Variants in KDM4C observed in about 807,000 individuals in gnomAD.
KDM4C encodes lysine-specific demethylase 4C.
A neutral mutation model predicts 129.3 loss-of-function variants in KDM4C; 81 were observed. The ratio of observed to expected loss-of-function variants is 0.63; its 90% CI spans 0.52 to 0.75. KDM4C has a LOEUF of 0.75. KDM4C is among the 30% of genes least tolerant of loss of function. The probability of loss-of-function intolerance (pLI) is 0.00; values close to 1 mark genes in which losing one functional copy is unlikely to be tolerated. For missense variants in KDM4C, 1,457 were observed against 1,304.0 expected (o/e 1.12, Z -1.81); for synonymous variants, 573 against 456.1 (o/e 1.26, Z -3.26).
chr9:7,102,309 CT>C (rs34614459), intron 17 of KDM4C, among the ~76,000 whole-genome samples: 1,102 of 89,966 alleles, frequency 0.012, 7 homozygotes, highest in African/African-American at 0.032. Context: ...ATGGTTTTCC[CT>C]TTTTTTTTTT....
chr9:6,868,464 G>A (rs1172424146), intron 5 of KDM4C, among the ~76,000 whole-genome samples: 2 of 152,116 alleles, frequency 1.3e-5, no homozygotes, highest in Non-Finnish European at 2.9e-5. Context: ...ATGAACTGTT[G>A]GTTCCAGGTT....
intron 4 of KDM4C, among the ~76,000 whole-genome samples, chr9:6,833,529 C>T (rs1835298038): frequency 6.6e-6 from 1 of 152,130 alleles, no homozygotes; most frequent in African/African-American, 2.4e-5. Flanking sequence ...CACCCTTGAA[C>T]CCCGGCCCTG....
At chr9:6,828,653 C>T (rs575618508) in intron 4 of KDM4C, among the ~76,000 whole-genome samples, 1 of 142,490 alleles carries the variant, frequency 7.0e-6, no homozygotes, top group East Asian at 1.9e-4. Context: ...GGTGGATCAC[C>T]TGAGGTTGGG....
At chr9:6,895,967 CA>C (rs1179649253) in intron 8 of KDM4C, among the ~76,000 whole-genome samples, 1 of 151,896 alleles carries the variant, frequency 6.6e-6, no homozygotes, top group Non-Finnish European at 1.5e-5. Flanking sequence ...TTTTTTTACC[CA>C]GATTTTGGTA....
At chr9:7,160,534 G>A (rs186080427) in intron 19 of KDM4C, among the ~76,000 whole-genome samples, 25 of 152,208 alleles carry the variant, frequency 1.6e-4, no homozygotes, top group East Asian at 1.2e-3. Context: ...CTTTTTTGTC[G>A]ATGTTGATGC....
chr9:6,798,286 A>G (rs959299547), intron 2 of KDM4C, among the ~76,000 whole-genome samples: 16 of 143,190 alleles, frequency 1.1e-4, no homozygotes, highest in Non-Finnish European at 2.0e-4. Flanking sequence ...TCATTCTTGG[A>G]TGTTTCTCGC....
intron 8 of KDM4C, among the ~76,000 whole-genome samples, chr9:6,955,721 A>T (rs1281876523): frequency 6.6e-6 from 1 of 152,148 alleles, no homozygotes; most frequent in Admixed American, 6.5e-5. Context: ...CATTTGCCTT[A>T]TGAGCAGTAC....
intron 6 of KDM4C, among the ~76,000 whole-genome samples, chr9:6,882,134 T>C (rs570754681): frequency 1.3e-5 from 2 of 152,368 alleles, no homozygotes; most frequent in Admixed American, 1.3e-4. Flanking sequence ...GCCCTTCAGC[T>C]GCTTTCTTAT....
At chr9:6,731,146 G>A (rs1053885496) in intron 1 of KDM4C, among the ~76,000 whole-genome samples, 1 of 152,030 alleles carries the variant, frequency 6.6e-6, no homozygotes, top group Non-Finnish European at 1.5e-5. Flanking sequence ...CTGGGAAACA[G>A]AACACTGTGG....
At chr9:6,919,518 C>T (rs1038611955) in intron 8 of KDM4C, among the ~76,000 whole-genome samples, 1 of 147,976 alleles carries the variant, frequency 6.8e-6, no homozygotes, top group Non-Finnish European at 1.5e-5. Context: ...TATATTTCAT[C>T]TTTCAATTTC....
At chr9:7,093,671 A>T (rs1052689660) in intron 17 of KDM4C, among the ~76,000 whole-genome samples, 2 of 152,244 alleles carry the variant, frequency 1.3e-5, no homozygotes, top group African/African-American at 2.4e-5. Context: ...TATTTAAAAT[A>T]TACAGGATTA....
chr9:6,799,634 TTTC>T (rs1254702104), intron 2 of KDM4C, among the ~76,000 whole-genome samples: 1 of 144,894 alleles, frequency 6.9e-6, no homozygotes, highest in East Asian at 1.9e-4. Flanking sequence ...AGGGCTCTTT[TTTC>T]TTTTCTTTTT....
chr9:7,078,177 C>CT (rs1047380503), intron 17 of KDM4C, among the ~76,000 whole-genome samples: 6 of 151,982 alleles, frequency 3.9e-5, no homozygotes, highest in Non-Finnish European at 8.8e-5. Flanking sequence ...ATATTGGGTG[C>CT]TTTTTAAAAA....
chr9:6,919,545 G>A (rs10815481), intron 8 of KDM4C, among the ~76,000 whole-genome samples: 26,823 of 79,014 alleles, frequency 0.34, 2,639 homozygotes, highest in East Asian at 0.47. Context: ...CTGTCTGTCT[G>A]TCTATCTATC....
intron 17 of KDM4C, among the ~76,000 whole-genome samples, chr9:7,058,163 G>A (rs996221517): frequency 2.6e-5 from 4 of 152,230 alleles, no homozygotes; most frequent in African/African-American, 9.6e-5. Context: ...AGTCAGAAGA[G>A]TTCAGTCTCT....
chr9:6,967,102 C>T (rs182409640), intron 8 of KDM4C, among the ~76,000 whole-genome samples: 1 of 152,178 alleles, frequency 6.6e-6, no homozygotes, highest in Non-Finnish European at 1.5e-5. Flanking sequence ...GTGACTAAAG[C>T]ATCTCCCTGA....
intron 8 of KDM4C, among the ~76,000 whole-genome samples, chr9:6,914,312 G>A (rs377757911): frequency 6.6e-6 from 1 of 152,264 alleles, no homozygotes; most frequent in Admixed American, 6.5e-5. Context: ...GCCTGCCTCT[G>A]ACTCCCAAAG....
intron 8 of KDM4C, among the ~76,000 whole-genome samples, chr9:6,932,588 T>C (rs1823951843): frequency 6.6e-6 from 1 of 152,088 alleles, no homozygotes; most frequent in Non-Finnish European, 1.5e-5. Context: ...TTACAGCTGT[T>C]ATTTGGGGAA....
intron 1 of KDM4C, among the ~76,000 whole-genome samples, chr9:6,764,426 C>G (rs1820208678): frequency 6.6e-6 from 1 of 152,058 alleles, no homozygotes; most frequent in Non-Finnish European, 1.5e-5. Context: ...ATTATTTGTA[C>G]TGTTTGTTTT....
Sources: gnomAD v4.1 joint callset for allele counts (sites outside exome capture counted in the v4.1 genomes callset) on GRCh38, gnomAD v4.1.1 for gene constraint, MANE v1.5 for transcripts, NCBI Gene and HGNC (gene_info 2026-07-23, HGNC 2026-07-21) for gene names.